The following PIGL variants were observed in gnomAD, a reference collection of about 807,000 sequenced individuals.
The protein encoded by PIGL is N-acetylglucosaminyl-phosphatidylinositol de-N-acetylase.
PIGL carries 22 observed loss-of-function variants against 31.1 expected under a neutral mutation model. That is an observed-to-expected ratio of 0.71 (90% CI 0.51 to 1.01). PIGL has a LOEUF of 1.01. Ranked by LOEUF, PIGL falls within the 50% of genes least tolerant of loss-of-function variation. The pLI is 0.00. For missense variants in PIGL, 302 were observed against 315.9 expected, an observed-to-expected ratio of 0.96 and a Z score of 0.33; for synonymous variants, 131 against 117.4, an observed-to-expected ratio of 1.12 and a Z score of -0.75.
At chr17:16,245,771 C>T (rs2092743053) in intron 2 of PIGL, among the ~76,000 whole-genome samples, 1 of 148,242 alleles carries the variant, frequency 6.7e-6, no homozygotes, top group African/African-American at 2.5e-5. Flanking sequence ...TATATACATA[C>T]ACACACACAT....
At chr17:16,244,616 T>C (rs2092736522) in intron 2 of PIGL, among the ~76,000 whole-genome samples, 1 of 152,158 alleles carries the variant, frequency 6.6e-6, no homozygotes, top group African/African-American at 2.4e-5. Flanking sequence ...CAACTTGGGA[T>C]GGGGTTACAT....
At chr17:16,265,152 A>G (rs2092837142) in intron 2 of PIGL, among the ~76,000 whole-genome samples, 1 of 152,164 alleles carries the variant, frequency 6.6e-6, no homozygotes, top group Admixed American at 6.6e-5. Context: ...GGTAACAGAA[A>G]GGGATTTGGA....
intron 2 of PIGL, among the ~76,000 whole-genome samples, chr17:16,280,932 T>C (rs2092914327): frequency 6.6e-6 from 1 of 152,138 alleles, no homozygotes; most frequent in African/African-American, 2.4e-5. Context: ...CTTGAACTCC[T>C]GACCTTGTGA....
chr17:16,294,602 G>C (rs117055878), intron 2 of PIGL, among the ~76,000 whole-genome samples: 1,790 of 152,332 alleles, frequency 0.012, 13 homozygotes, highest in Non-Finnish European at 0.018. Context: ...AGCAGCAATT[G>C]AAAGTATCCA....
intron 2 of PIGL, among the ~76,000 whole-genome samples, chr17:16,289,477 C>G (rs1329494651): frequency 1.3e-5 from 2 of 152,212 alleles, no homozygotes; most frequent in African/African-American, 4.8e-5. Context: ...CTGTTTTAGG[C>G]AGACTTAACT....
chr17:16,255,738 C>T (rs2092791146), intron 2 of PIGL, among the ~76,000 whole-genome samples: 1 of 152,194 alleles, frequency 6.6e-6, no homozygotes, highest in African/African-American at 2.4e-5. Flanking sequence ...ATAAAGCCTC[C>T]TGCAGTCCTT....
chr17:16,217,638 G>A, intron 1 of PIGL, 177 bp downstream of exon 1: 19 of 539,002 alleles, frequency 3.5e-5, no homozygotes, highest in South Asian at 1.7e-4. Context: ...TACCTGGTGG[G>A]TTGGGGGACG....
intron 3 of PIGL, chr17:16,312,928 AG>A (rs869065594): frequency 0.016 from 394 of 25,344 alleles, 17 homozygotes; most frequent in African/African-American, 0.041. Context: ...GGGAGGGGGA[AG>A]GGGGGGGGAG....
chr17:16,240,462 G>C (rs928420898), intron 2 of PIGL, among the ~76,000 whole-genome samples: 8 of 152,006 alleles, frequency 5.3e-5, no homozygotes, highest in African/African-American at 1.9e-4. Flanking sequence ...ATGGATGTGA[G>C]CCACCACGCG....
At chr17:16,268,270 A>T (rs930115688) in intron 2 of PIGL, among the ~76,000 whole-genome samples, 5 of 152,150 alleles carry the variant, frequency 3.3e-5, no homozygotes, top group Non-Finnish European at 7.4e-5. Context: ...GCTGCATGCT[A>T]TGATATTGGG....
chr17:16,291,322 C>T (rs138171076), intron 2 of PIGL, among the ~76,000 whole-genome samples: 7,325 of 151,602 alleles, frequency 0.048, 221 homozygotes, highest in African/African-American at 0.09. Context: ...GCCTGGCCAA[C>T]ATGGTGAAAC....
At chr17:16,270,755 G>A (rs1453152361) in intron 2 of PIGL, among the ~76,000 whole-genome samples, 1 of 151,938 alleles carries the variant, frequency 6.6e-6, no homozygotes, top group Non-Finnish European at 1.5e-5. Flanking sequence ...AAATTAGCCG[G>A]GTGTGGTGGC....
intron 2 of PIGL, among the ~76,000 whole-genome samples, chr17:16,278,246 G>C (rs1014956561): frequency 2.6e-5 from 4 of 152,242 alleles, no homozygotes; most frequent in Admixed American, 1.3e-4. Context: ...AGTAGAAACA[G>C]GGTTTCGCCA....
chr17:16,239,765 A>T (rs2092714970), intron 2 of PIGL, among the ~76,000 whole-genome samples: 1 of 152,028 alleles, frequency 6.6e-6, no homozygotes. Flanking sequence ...AGCAACTGAG[A>T]TGGAGATGAT....
intron 3 of PIGL, among the ~76,000 whole-genome samples, chr17:16,311,483 A>ATTTTTTTT: frequency 1.6e-4 from 1 of 6,302 alleles, no homozygotes; most frequent in Non-Finnish European, 3.4e-4. Context: ...TTTTTTTTTG[A>ATTTTTTTT]TCATTCTTGG....
chr17:16,220,489 T>A lies in PIGL; in HGVS notation c.235+3028T>A, dbSNP rs1184083254. On this transcript the variant is annotated intron_variant, in intron 1 of 6. Coordinates refer to ENST00000225609, the MANE Select transcript of PIGL (RefSeq NM_004278.4). The stretch of plus-strand genomic sequence containing the variant: ...GTTTTTTTAAATTGTTATTTTTTTT[T>A]TTTTTTTTTTTTTTTTTGAGGCAGA... 4.8e-4 allele frequency among the ~76,000 whole-genome samples: 67 copies of A among 139,580 alleles called. 3 individuals are homozygous for A. The highest frequency in any genetic ancestry group is 2.4e-3 in the East Asian group (11 of 4,662). The allele number at this position is 139,580 out of a possible 152,430, so 91.6% of individuals were successfully genotyped here.
intron 6 of PIGL, among the ~76,000 whole-genome samples, chr17:16,320,833 C>T (rs534414917): frequency 6.6e-6 from 1 of 151,940 alleles, no homozygotes; most frequent in Non-Finnish European, 1.5e-5. Flanking sequence ...TGGGATTTCA[C>T]CATATTGGTC....
intron 2 of PIGL, among the ~76,000 whole-genome samples, chr17:16,275,144 C>CT (rs1568815941): frequency 6.6e-6 from 1 of 152,158 alleles, no homozygotes; most frequent in African/African-American, 2.4e-5. Flanking sequence ...TGATTATACT[C>CT]TAAACAAGGG....
intron 2 of PIGL, among the ~76,000 whole-genome samples, chr17:16,281,045 A>G (rs1025007067): frequency 7.9e-5 from 12 of 152,198 alleles, no homozygotes; most frequent in Non-Finnish European, 4.4e-5. Context: ...ACTTACTTTG[A>G]GAAGACTCTT....
Sources: allele counts gnomAD v4.1 joint callset (sites outside exome capture counted in the v4.1 genomes callset), GRCh38; gene constraint gnomAD v4.1.1; transcripts MANE v1.5; gene names NCBI Gene and HGNC (gene_info 2026-07-23, HGNC 2026-07-21).